Variants in CELF2 observed in about 807,000 individuals in gnomAD.
CELF2 encodes the protein CUGBP Elav-like family member 2.
In CELF2, 8 loss-of-function variants were observed where a neutral mutation model predicts 62.6. The observed-to-expected ratio is 0.13, with a 90% confidence interval of 0.07 to 0.23. CELF2 has a LOEUF of 0.23. CELF2 is among the 10% of genes least tolerant of loss of function. CELF2 has a pLI of 1.00. For synonymous variants in CELF2, 258 were observed against 250.0 expected (o/e 1.03, Z -0.30); for missense variants, 333 against 671.0 (o/e 0.50, Z 5.56).
intron 2 of CELF2, among the ~76,000 whole-genome samples, chr10:10,978,262 A>T (rs1189580142): frequency 6.6e-6 from 1 of 152,122 alleles, no homozygotes; most frequent in Non-Finnish European, 1.5e-5. Context: ...GTTTTAGCCT[A>T]ATGCTTTGTA....
the CELF2 span, among the ~76,000 whole-genome samples, chr10:10,720,612 C>T: frequency 5.3e-5 from 8 of 152,078 alleles, no homozygotes; most frequent in Non-Finnish European, 1.2e-4. Context: ...CTATAGCGAA[C>T]GCTGACAAGA....
chr10:10,935,776 T>G (rs957635061), intron 2 of CELF2, among the ~76,000 whole-genome samples: 15 of 152,206 alleles, frequency 9.9e-5, no homozygotes, highest in Non-Finnish European at 2.1e-4. Flanking sequence ...TTCTTATAAT[T>G]CTTCATCCTT....
intron 2 of CELF2, among the ~76,000 whole-genome samples, chr10:11,212,319 G>A (rs920822177): frequency 2.6e-5 from 4 of 152,054 alleles, no homozygotes; most frequent in Non-Finnish European, 5.9e-5. Context: ...TGGCTGCCCC[G>A]AGATGCTCCC....
chr10:10,808,220 A>AT (rs1476456895), intron 1 of CELF2, among the ~76,000 whole-genome samples: 1 of 152,212 alleles, frequency 6.6e-6, no homozygotes, highest in Non-Finnish European at 1.5e-5. Flanking sequence ...ATCAGGCAAA[A>AT]CAGCATTGAG....
chr10:10,784,002 A>G, the CELF2 span, among the ~76,000 whole-genome samples: 1 of 152,178 alleles, frequency 6.6e-6, no homozygotes, highest in East Asian at 1.9e-4. Flanking sequence ...AAAAAAATAA[A>G]TAAAGAACTG....
At chr10:11,131,120 T>C (rs913673405) in intron 1 of CELF2, among the ~76,000 whole-genome samples, 1 of 152,224 alleles carries the variant, frequency 6.6e-6, no homozygotes, top group African/African-American at 2.4e-5. Flanking sequence ...ACCTCAAAGT[T>C]TGAATATTTG....
At chr10:10,590,472 T>G in the CELF2 span, among the ~76,000 whole-genome samples, 1 of 152,272 alleles carries the variant, frequency 6.6e-6, no homozygotes, top group South Asian at 2.1e-4. Context: ...AAAGGCACAA[T>G]TTTCAGTCCC....
chr10:11,054,732 T>C (rs913115841), intron 1 of CELF2, among the ~76,000 whole-genome samples: 4 of 152,156 alleles, frequency 2.6e-5, no homozygotes, highest in Admixed American at 6.5e-5. Context: ...AGTGGTTTTT[T>C]TCTTTGGAGT....
At chr10:10,572,743 T>C in the CELF2 span, among the ~76,000 whole-genome samples, 4 of 152,332 alleles carry the variant, frequency 2.6e-5, no homozygotes, top group Admixed American at 1.3e-4. Flanking sequence ...ATATTTTCTT[T>C]ATCCGGTCTA....
chr10:10,916,934 CTT>C (rs572542157), intron 1 of CELF2, among the ~76,000 whole-genome samples: 15 of 141,038 alleles, frequency 1.1e-4, no homozygotes, highest in Admixed American at 7.2e-5. Context: ...TCTTCTTCTT[CTT>C]TTTTTTTTTT....
chr10:11,118,856 A>G (rs1363927017), intron 1 of CELF2, among the ~76,000 whole-genome samples: 1 of 152,192 alleles, frequency 6.6e-6, no homozygotes, highest in Non-Finnish European at 1.5e-5. Flanking sequence ...CCCCAGTTCT[A>G]TTTTGGTCCT....
chr10:11,066,432 C>G (rs759293146), intron 1 of CELF2, among the ~76,000 whole-genome samples: 1 of 151,852 alleles, frequency 6.6e-6, no homozygotes, highest in Non-Finnish European at 1.5e-5. Flanking sequence ...GGGGAGGACC[C>G]GGAGACTGGG....
At chr10:10,508,573 G>A in the CELF2 span, among the ~76,000 whole-genome samples, 4 of 151,814 alleles carry the variant, frequency 2.6e-5, no homozygotes, top group Admixed American at 2.6e-4. Flanking sequence ...TAGTCCACAG[G>A]GAGAAATGTC....
intron 4 of CELF2, among the ~76,000 whole-genome samples, chr10:11,254,051 T>G (rs1352878775): frequency 6.6e-5 from 10 of 152,196 alleles, no homozygotes; most frequent in Non-Finnish European, 1.5e-4. Context: ...CCGTGAATAC[T>G]CAGGAAAAAC....
At chr10:10,470,676 G>C in the CELF2 span, among the ~76,000 whole-genome samples, 3 of 151,386 alleles carry the variant, frequency 2.0e-5, no homozygotes, top group African/African-American at 7.3e-5. Context: ...AACTGCGAAA[G>C]GTTCTCCACT....
At chr10:11,203,589 C>T (rs547415652) in intron 2 of CELF2, among the ~76,000 whole-genome samples, 1 of 152,344 alleles carries the variant, frequency 6.6e-6, no homozygotes, top group African/African-American at 2.4e-5. Context: ...TCTGTCAAGA[C>T]ACCCCCTCTC....
chr10:10,472,631 T>G, the CELF2 span, among the ~76,000 whole-genome samples: 4 of 151,902 alleles, frequency 2.6e-5, no homozygotes, highest in African/African-American at 9.7e-5. Context: ...TCTAGTAATT[T>G]TGAGTTGTAA....
intron 1 of CELF2, among the ~76,000 whole-genome samples, chr10:11,154,103 A>G (rs751270497): frequency 9.2e-5 from 14 of 152,224 alleles, no homozygotes; most frequent in Middle Eastern, 3.2e-3. Flanking sequence ...AAAAAAATCA[A>G]CTATGGGGAG....
In CELF2 at chr10:11,333,272, C is replaced by CTATCCACTTTTATCTTTTAATAAA. The variant is rs2096063130; in HGVS notation, c.*4224_*4247dup. 6.6e-6 allele frequency: 1 copy of CTATCCACTTTTATCTTTTAATAAA among 152,550 alleles called. No individual in the cohort carries two copies. The highest frequency in any genetic ancestry group is 1.5e-5 in the Non-Finnish European group (1 of 68,040). 9.4% of individuals were successfully genotyped at this position (152,550 alleles called of 1,614,324 possible). On this transcript the variant is annotated 3_prime_UTR_variant, in exon 13 of 13. Coordinates refer to ENST00000633077, the MANE Select transcript of CELF2 (RefSeq NM_001326342.2). ...CCTTCCACAGAGACAAACTGTCCTTCTATCCACTTTTATCTTTTAATAAAT... is the reference window on the plus strand; with the variant it reads ...CCTTCCACAGAGACAAACTGTCCTTCTATCCACTTTTATCTTTTAATAAATATCCACTTTTATCTTTTAATAAAT...
Sources: allele counts gnomAD v4.1 joint callset (sites outside exome capture counted in the v4.1 genomes callset), GRCh38; gene constraint gnomAD v4.1.1; transcripts MANE v1.5; gene names NCBI Gene and HGNC (gene_info 2026-07-23, HGNC 2026-07-21).